The following GALNTL6 variants were observed in gnomAD, a reference collection of about 807,000 sequenced individuals.
GALNTL6 encodes the protein polypeptide N-acetylgalactosaminyltransferase-like 6.
Under a neutral mutation model 73.7 loss-of-function variants are expected in GALNTL6, and 46 were observed. That is an observed-to-expected ratio of 0.62 (90% CI 0.49 to 0.80). GALNTL6 has a LOEUF of 0.80. GALNTL6 is among the 30% of genes least tolerant of loss of function. The probability of loss-of-function intolerance (pLI) is 0.00; values close to 1 mark genes in which losing one functional copy is unlikely to be tolerated. For missense variants in GALNTL6, 604 were observed against 755.0 expected, an observed-to-expected ratio of 0.80 and a Z score of 2.34; for synonymous variants, 259 against 263.7, an observed-to-expected ratio of 0.98 and a Z score of 0.17.
chr4:172,340,670 G>C (rs1424163691), intron 4 of GALNTL6, among the ~76,000 whole-genome samples: 1 of 152,158 alleles, frequency 6.6e-6, no homozygotes, highest in Non-Finnish European at 1.5e-5. Context: ...ATAAGATCTT[G>C]CTTTTAAGCT....
At chr4:172,197,775 TA>T (rs1351269671) in intron 2 of GALNTL6, among the ~76,000 whole-genome samples, 8 of 151,986 alleles carry the variant, frequency 5.3e-5, no homozygotes, top group Non-Finnish European at 8.8e-5. Context: ...TTACACCTTA[TA>T]AAAAAATTAA....
chr4:172,458,707 T>A (rs1048821965), intron 5 of GALNTL6, among the ~76,000 whole-genome samples: 1 of 152,090 alleles, frequency 6.6e-6, no homozygotes, highest in East Asian at 1.9e-4. Flanking sequence ...AGTTCTGAAA[T>A]TGAGGCAGTA....
chr4:172,778,412 T>C (rs1739187683), intron 5 of GALNTL6, among the ~76,000 whole-genome samples: 1 of 152,238 alleles, frequency 6.6e-6, no homozygotes, highest in African/African-American at 2.4e-5. Context: ...GGAGCTGGAA[T>C]AAGCCACATG....
intron 10 of GALNTL6, among the ~76,000 whole-genome samples, chr4:172,962,262 G>C (rs368327776): frequency 1.3e-4 from 20 of 152,320 alleles, no homozygotes; most frequent in Admixed American, 1.3e-3. Context: ...GGATGTGTAC[G>C]TGCAGGTCAC....
chr4:172,274,795 T>C (rs1034518574), intron 3 of GALNTL6, among the ~76,000 whole-genome samples: 15 of 152,228 alleles, frequency 9.9e-5, no homozygotes, highest in African/African-American at 3.6e-4. Context: ...TGAATTACTT[T>C]TTCTAGGCAG....
chr4:172,089,727 G>A (rs1346446479), intron 2 of GALNTL6, among the ~76,000 whole-genome samples: 1 of 152,050 alleles, frequency 6.6e-6, no homozygotes, highest in Non-Finnish European at 1.5e-5. Flanking sequence ...TATACTTTAA[G>A]TTCTGGGTTA....
chr4:171,858,221 A>T (rs376898338), intron 2 of GALNTL6, among the ~76,000 whole-genome samples: 1 of 152,132 alleles, frequency 6.6e-6, no homozygotes, highest in Non-Finnish European at 1.5e-5. Context: ...ACTTATTTGT[A>T]TGATCATTTT....
At chr4:172,405,424 TATATATATATATATA>T (rs1561068132) in intron 5 of GALNTL6, among the ~76,000 whole-genome samples, 1 of 3,008 alleles carries the variant, frequency 3.3e-4, no homozygotes, top group African/African-American at 1.3e-3. Flanking sequence ...TATATATATA[TATATATATATATATA>T]TATATTTTTT....
chr4:172,699,501 C>T (rs1345009224), intron 5 of GALNTL6, among the ~76,000 whole-genome samples: 1 of 152,114 alleles, frequency 6.6e-6, no homozygotes, highest in Non-Finnish European at 1.5e-5. Context: ...ATAACCTTCT[C>T]TCAGAGTTGC....
intron 2 of GALNTL6, among the ~76,000 whole-genome samples, chr4:171,866,751 G>C (rs1252597030): frequency 6.6e-6 from 1 of 152,090 alleles, no homozygotes; most frequent in Admixed American, 6.6e-5. Flanking sequence ...TCAGTCTGTT[G>C]TGTCCTCACA....
At chr4:171,928,049 T>C (rs1738042552) in intron 2 of GALNTL6, among the ~76,000 whole-genome samples, 2 of 152,212 alleles carry the variant, frequency 1.3e-5, no homozygotes, top group Admixed American at 1.3e-4. Context: ...AATAAATATT[T>C]GTTGAAAAAC....
chr4:172,585,349 A>G (rs1416185520), intron 5 of GALNTL6, among the ~76,000 whole-genome samples: 1 of 152,020 alleles, frequency 6.6e-6, no homozygotes, highest in African/African-American at 2.4e-5. Flanking sequence ...TCAACCTGTC[A>G]TCTAGGTTTT....
chr4:172,480,449 G>A (rs1181042959), intron 5 of GALNTL6, among the ~76,000 whole-genome samples: 1 of 152,116 alleles, frequency 6.6e-6, no homozygotes, highest in African/African-American at 2.4e-5. Context: ...TTAGACCTAT[G>A]CTCAAATCCT....
At chr4:171,986,146 T>C (rs1441984803) in intron 2 of GALNTL6, among the ~76,000 whole-genome samples, 2 of 152,092 alleles carry the variant, frequency 1.3e-5, no homozygotes, top group East Asian at 3.9e-4. Context: ...ACAGGCTTTG[T>C]GTGAGCAATA....
At chr4:172,609,598 GTT>G (rs1560833912) in intron 5 of GALNTL6, among the ~76,000 whole-genome samples, 1 of 116,260 alleles carries the variant, frequency 8.6e-6, no homozygotes, top group East Asian at 2.3e-4. Context: ...TTGGCCTGAA[GTT>G]TTCTCTCTCT....
At chr4:172,246,171 G>T (rs929673342) in intron 3 of GALNTL6, among the ~76,000 whole-genome samples, 1 of 152,120 alleles carries the variant, frequency 6.6e-6, no homozygotes, top group East Asian at 1.9e-4. Flanking sequence ...GACCAGGAGA[G>T]CACAATAGAA....
At chr4:172,885,538 T>G (rs1403396374) in intron 8 of GALNTL6, among the ~76,000 whole-genome samples, 1 of 152,170 alleles carries the variant, frequency 6.6e-6, no homozygotes, top group African/African-American at 2.4e-5. Flanking sequence ...ACAATTTTGA[T>G]GCCCTTTGTT....
At chr4:172,555,603 AT>A (rs1047521198) in intron 5 of GALNTL6, among the ~76,000 whole-genome samples, 1 of 152,056 alleles carries the variant, frequency 6.6e-6, no homozygotes, top group African/African-American at 2.4e-5. Flanking sequence ...ATATTGATGT[AT>A]TTTTTAGAAT....
chr4:171,960,405 T>C (rs1198348652), intron 2 of GALNTL6, among the ~76,000 whole-genome samples: 1 of 151,904 alleles, frequency 6.6e-6, no homozygotes, highest in African/African-American at 2.4e-5. Context: ...GCCTCCCGAG[T>C]AACAGGGTTT....
Sources: allele counts gnomAD v4.1 joint callset (sites outside exome capture counted in the v4.1 genomes callset), GRCh38; gene constraint gnomAD v4.1.1; transcripts MANE v1.5; gene names NCBI Gene and HGNC (gene_info 2026-07-23, HGNC 2026-07-21).